Variants in XIRP2 observed in about 807,000 individuals in gnomAD.
The protein encoded by XIRP2 is xin actin binding repeat containing 2.
XIRP2 carries 236 observed loss-of-function variants against 277.0 expected under a neutral mutation model. The ratio of observed to expected loss-of-function variants is 0.85; its 90% CI spans 0.77 to 0.95. The LOEUF (loss-of-function observed/expected upper bound fraction) is 0.95, where lower values mean the gene tolerates loss of function less well. Among genes scored for constraint, XIRP2 ranks in the 40% least tolerant of loss-of-function variants. The pLI is 0.00. For missense variants in XIRP2, 4,640 were observed against 4,157.5 expected (o/e 1.12, Z -3.19); for synonymous variants, 1,490 against 1,416.5 (o/e 1.05, Z -1.17).
intron 2 of XIRP2, among the ~76,000 whole-genome samples, chr2:166,937,054 G>A (rs1405989101): frequency 6.6e-6 from 1 of 152,012 alleles, no homozygotes; most frequent in African/African-American, 2.4e-5. Context: ...AGCATGGAAT[G>A]TTCTTCCATT....
intron 2 of XIRP2, among the ~76,000 whole-genome samples, chr2:167,007,695 T>TCACA (rs1466298866): frequency 8.4e-6 from 1 of 118,638 alleles, no homozygotes; most frequent in African/African-American, 3.6e-5. Context: ...TCTCTCTCTC[T>TCACA]CTCTCTCTCA....
chr2:167,078,991 G>T (rs559694178), intron 2 of XIRP2, among the ~76,000 whole-genome samples: 1 of 152,184 alleles, frequency 6.6e-6, no homozygotes, highest in East Asian at 1.9e-4. Flanking sequence ...TGTTGGCTGT[G>T]GGTTTGTCAT....
chr2:167,116,672 T>C (rs1242753694), intron 2 of XIRP2, among the ~76,000 whole-genome samples: 1 of 152,174 alleles, frequency 6.6e-6, no homozygotes. Context: ...ATTTTGTTAT[T>C]TTTTATGTTT....
At position 167,239,946 on chromosome 2, in the gene XIRP2, A is replaced by G. The variant is rs1164746741; in HGVS notation, c.950A>G (p.Asp317Gly). ...EQEGSKVQKIDVHGTEMVSHL... is the reference protein window; with the variant it reads ...EQEGSKVQKIGVHGTEMVSHL... Reference sequence around the variant, plus strand: ...GAAGGGTCCAAAGTACAGAAAATTGATGTTCATGGAACAGAAATGGTAACT... The same window carrying G: ...GAAGGGTCCAAAGTACAGAAAATTGGTGTTCATGGAACAGAAATGGTAACT... The change falls in exon 6 of 11, where the codon GAT becomes GGT. Residue 317 changes from aspartate to glycine, a missense_variant. Asp to Gly is a moderately conservative substitution (Grantham distance 94, BLOSUM62 -1). Coordinates refer to ENST00000409195, the MANE Select transcript of XIRP2 (RefSeq NM_152381.6). 2 of 1,602,296 alleles carry G rather than the reference A, an allele frequency of 1.2e-6. No homozygotes were observed. The highest frequency in any genetic ancestry group is 1.8e-5 in the Admixed American group (1 of 56,484).
chr2:167,211,786 G>C (rs1209293783), intron 4 of XIRP2, among the ~76,000 whole-genome samples: 1 of 152,158 alleles, frequency 6.6e-6, no homozygotes, highest in Non-Finnish European at 1.5e-5. Flanking sequence ...AACCAATTAT[G>C]ATTATAGGAA....
intron 2 of XIRP2, among the ~76,000 whole-genome samples, chr2:166,950,418 A>C (rs1485301400): frequency 2.0e-5 from 3 of 152,026 alleles, no homozygotes; most frequent in African/African-American, 7.2e-5. Flanking sequence ...ACAAGGAAAA[A>C]TTAGAGTAGA....
intron 3 of XIRP2, among the ~76,000 whole-genome samples, chr2:167,157,614 C>A (rs1368728610): frequency 1.3e-5 from 2 of 152,048 alleles, no homozygotes; most frequent in East Asian, 3.8e-4. Context: ...AAAATAAGTG[C>A]TTTTTCATTA....
At chr2:167,187,197 C>A (rs1693180284) in intron 3 of XIRP2, 2 of 959,438 alleles carry the variant, frequency 2.1e-6, no homozygotes, top group South Asian at 4.8e-5. Flanking sequence ...TGTGTTAGAG[C>A]CATGCATACA....
In XIRP2 at chr2:167,248,846, G is replaced by A. The variant is rs1299631244; in HGVS notation, c.7454G>A (p.Ser2485Asn). The change falls in exon 9 of 11, where the codon AGT (serine) becomes AAT (asparagine). Residue 2485 changes from serine to asparagine, a missense_variant. Ser to Asn is a conservative substitution (Grantham distance 46). Coordinates refer to ENST00000409195, the MANE Select transcript of XIRP2 (RefSeq NM_152381.6). Reference sequence around the variant, plus strand: ...ACAAAGCAGAACGTTATTAGTAAGAGTCTTGATGAAAGAAAACAATTATCT... The same window carrying A: ...ACAAAGCAGAACGTTATTAGTAAGAATCTTGATGAAAGAAAACAATTATCT... ...TETKQNVISK[S>N]LDERKQLSID... 1 of 1,613,544 alleles carries A rather than the reference G, an allele frequency of 6.2e-7. No individual in the cohort carries two copies. The highest frequency in any genetic ancestry group is 8.5e-7 in the Non-Finnish European group (1 of 1,179,770).
Position 167,245,151 on chromosome 2 carries a change from A to T in XIRP2, c.3759A>T (p.Glu1253Asp), listed in dbSNP as rs754979998. Residue 1253 changes from glutamate to aspartate, a missense_variant, in exon 9 of 11, where the codon GAA becomes GAT. Glu to Asp is a conservative substitution (Grantham distance 45). Transcript: ENST00000409195. ...FENQPIDKIK[E>D]SQEGDECVKT... ...ACCAACCAATTGATAAGATAAAAGA[A>T]AGCCAAGAAGGTGATGAATGTGTTA... 1.9e-6 allele frequency: 3 copies of T among 1,613,036 alleles called. No individual in the cohort carries two copies. The South Asian group carries it at 3.3e-5, about 18-fold the overall frequency.
intron 1 of XIRP2, among the ~76,000 whole-genome samples, chr2:166,899,280 C>T (rs1219500749): frequency 6.6e-6 from 1 of 152,012 alleles, no homozygotes; most frequent in Non-Finnish European, 1.5e-5. Context: ...GAAACTTTAC[C>T]TCCTTTATCC....
intron 3 of XIRP2, 66 bp from the exon 4 acceptor site, chr2:167,210,669 T>C (rs1029540904): frequency 2.6e-5 from 40 of 1,557,248 alleles, no homozygotes; most frequent in Non-Finnish European, 3.5e-5. Flanking sequence ...TCACCATTTA[T>C]AAGGTGATGC....
chr2:167,250,775 C>T lies in XIRP2; in HGVS notation c.9383C>T (p.Ser3128Phe). The change falls in exon 9 of 11, where the codon TCT becomes TTT. Residue 3128 changes from serine to phenylalanine, a missense_variant. Ser to Phe is a radical substitution (Grantham distance 155). Transcript: ENST00000409195. ...TCACCAACTTTTATCACAATAGAAT[C>T]TACTGCCCGACGAACAGAAAACCCT... ...PPSPTFITIE[S>F]TARRTENPTK... 2 of 1,613,542 alleles carry T rather than the reference C, an allele frequency of 1.2e-6. No homozygotes were observed. Among genetic ancestry groups the T allele is most frequent in the Non-Finnish European group, 1.7e-6 (2 of 1,179,718 alleles).
At chr2:167,141,856 G>C (rs1263281270) in intron 3 of XIRP2, among the ~76,000 whole-genome samples, 1 of 151,844 alleles carries the variant, frequency 6.6e-6, no homozygotes, top group African/African-American at 2.4e-5. Context: ...GCAAGACCCT[G>C]TCTCAAAAAT....
intron 5 of XIRP2, among the ~76,000 whole-genome samples, chr2:167,224,603 A>G (rs1694538904): frequency 6.6e-6 from 1 of 152,166 alleles, no homozygotes; most frequent in African/African-American, 2.4e-5. Flanking sequence ...CCATAGCACC[A>G]TTTAATTTCT....
chr2:166,911,988 G>T (rs1359647351), intron 2 of XIRP2, among the ~76,000 whole-genome samples: 1 of 152,204 alleles, frequency 6.6e-6, no homozygotes, highest in Non-Finnish European at 1.5e-5. Flanking sequence ...CTGTTAGTCT[G>T]ATGGGCTTCA....
chr2:167,040,423 T>C (rs1426419357), intron 2 of XIRP2, among the ~76,000 whole-genome samples: 1 of 151,778 alleles, frequency 6.6e-6, no homozygotes, highest in East Asian at 1.9e-4. Context: ...GTGAGTGAAA[T>C]AGGCAGGAAG....
At chr2:167,203,917 G>A (rs1693789105) in intron 3 of XIRP2, among the ~76,000 whole-genome samples, 1 of 152,076 alleles carries the variant, frequency 6.6e-6, no homozygotes. Context: ...ATTTAAGTTT[G>A]ACAGAATTTA....
intron 3 of XIRP2, among the ~76,000 whole-genome samples, chr2:167,185,741 G>T (rs1360351283): frequency 6.6e-6 from 1 of 151,970 alleles, no homozygotes; most frequent in South Asian, 2.1e-4. Context: ...ATTTTCTTTT[G>T]CATATAGCAA....
Sources: gnomAD v4.1 joint callset for allele counts (sites outside exome capture counted in the v4.1 genomes callset) on GRCh38, gnomAD v4.1.1 for gene constraint, MANE v1.5 for transcripts, NCBI Gene and HGNC (gene_info 2026-07-23, HGNC 2026-07-21) for gene names.